The following CAMKMT variants were observed in gnomAD, a reference collection of about 807,000 sequenced individuals.
The protein encoded by CAMKMT is calmodulin-lysine N-methyltransferase.
CAMKMT carries 53 observed loss-of-function variants against 48.0 expected under a neutral mutation model. The observed-to-expected ratio is 1.10, with a 90% CI of 0.89 to 1.39. CAMKMT has a LOEUF of 1.39. Ranked by LOEUF, CAMKMT falls within the 40% of genes most tolerant of loss-of-function variation. The pLI, the probability that CAMKMT is intolerant of heterozygous loss-of-function variation, is 0.00. For synonymous variants in CAMKMT, 165 were observed against 152.3 expected, an observed-to-expected ratio of 1.08 and a Z score of -0.61; for missense variants, 428 against 402.7, an observed-to-expected ratio of 1.06 and a Z score of -0.54.
rs529641144 is a variant in CAMKMT at position 44,694,143 on chromosome 2, G to A, written c.377-10140G>A. On this transcript the variant is annotated intron_variant, in intron 3 of 10. Transcript: ENST00000378494. ...CAGGACGAACTATGAGAAGTGAAAA[G>A]CTCGCAAATGGAACTGATCTAGAAG... Among the ~76,000 whole-genome samples, 14 of 152,338 alleles carry A rather than the reference G, an allele frequency of 9.2e-5. No individual in the cohort carries two copies. In the South Asian group the frequency reaches 2.7e-3, roughly 29 times the overall value.
chr2:44,759,230 C>G (rs879720796), intron 9 of CAMKMT, among the ~76,000 whole-genome samples: 3 of 152,158 alleles, frequency 2.0e-5, no homozygotes, highest in Non-Finnish European at 2.9e-5. Flanking sequence ...CTCAGGTGAT[C>G]CTCCTGCCTC....
chr2:44,544,824 T>G (rs1348594685), intron 3 of CAMKMT, among the ~76,000 whole-genome samples: 1 of 152,192 alleles, frequency 6.6e-6, no homozygotes, highest in Non-Finnish European at 1.5e-5. Context: ...AATTTAGACT[T>G]TAAGACTAAA....
chr2:44,526,377 A>G (rs1671404197), intron 3 of CAMKMT, among the ~76,000 whole-genome samples: 1 of 152,214 alleles, frequency 6.6e-6, no homozygotes, highest in South Asian at 2.1e-4. Context: ...GTATATATAG[A>G]TGGATATACA....
intron 3 of CAMKMT, among the ~76,000 whole-genome samples, chr2:44,677,715 A>G (rs1675792318): frequency 6.6e-6 from 1 of 152,176 alleles, no homozygotes; most frequent in African/African-American, 2.4e-5. Context: ...TCTAAAAAAA[A>G]AAAAAGCGTA....
intron 2 of CAMKMT, among the ~76,000 whole-genome samples, chr2:44,376,996 C>T (rs1679762571): frequency 1.3e-5 from 2 of 151,934 alleles, no homozygotes; most frequent in Non-Finnish European, 2.9e-5. Flanking sequence ...CTATTCTTGC[C>T]TTTCTGGTAC....
chr2:44,493,527 A>G (rs1471732009), intron 3 of CAMKMT, among the ~76,000 whole-genome samples: 3 of 152,210 alleles, frequency 2.0e-5, no homozygotes, highest in Admixed American at 1.3e-4. Context: ...TTAAAAAATT[A>G]TTTGATAATA....
chr2:44,391,991 C>G (rs1456630195), intron 3 of CAMKMT: 4 of 152,498 alleles, frequency 2.6e-5, no homozygotes, highest in Non-Finnish European at 5.9e-5. Flanking sequence ...GTTTTCATCT[C>G]TTAGGGCTGG....
chr2:44,422,211 T>G (rs1299561959), intron 3 of CAMKMT, among the ~76,000 whole-genome samples: 1 of 152,186 alleles, frequency 6.6e-6, no homozygotes, highest in Non-Finnish European at 1.5e-5. Context: ...CACTGTCTCA[T>G]GAGTAAAAGC....
At chr2:44,527,430 A>T (rs202097921) in intron 3 of CAMKMT, among the ~76,000 whole-genome samples, 2,048 of 107,810 alleles carry the variant, frequency 0.019, 33 homozygotes, top group Middle Eastern at 0.067. Context: ...ATATATATAT[A>T]TTTTTTTTTT....
chr2:44,511,508 C>G (rs1270758905), intron 3 of CAMKMT, among the ~76,000 whole-genome samples: 5 of 151,634 alleles, frequency 3.3e-5, no homozygotes, highest in African/African-American at 9.7e-5. Flanking sequence ...AGGCTGGTCT[C>G]AAACTCCTGA....
chr2:44,384,617 G>T (rs1327267117), intron 2 of CAMKMT, among the ~76,000 whole-genome samples: 1 of 150,110 alleles, frequency 6.7e-6, no homozygotes, highest in East Asian at 2.0e-4. Flanking sequence ...GATAGTTTCA[G>T]GTCTTAGATT....
chr2:44,511,043 A>G (rs2104768371), intron 3 of CAMKMT, among the ~76,000 whole-genome samples: 1 of 151,824 alleles, frequency 6.6e-6, no homozygotes, highest in South Asian at 2.1e-4. Flanking sequence ...GTTTCACCAT[A>G]TTGGCCAGGT....
Position 44,707,397 on chromosome 2 carries a change from A to C in CAMKMT, c.493-2A>C. 1 of 1,606,358 alleles carries C rather than the reference A, an allele frequency of 6.2e-7. No homozygotes were observed. Among genetic ancestry groups the C allele is most frequent in the Non-Finnish European group, 8.5e-7 (1 of 1,177,162 alleles). ...TTTGCTGTGCTCCCTTTTTTTTTTC[A>C]GGTTGCTATTTCTGCAGATGTCAAA... On this transcript the variant is annotated splice_acceptor_variant, in intron 5 of 10. Transcript: ENST00000378494. LOFTEE classifies it high-confidence loss of function.
intron 3 of CAMKMT, among the ~76,000 whole-genome samples, chr2:44,545,230 G>A (rs1211606234): frequency 6.6e-6 from 1 of 152,212 alleles, no homozygotes; most frequent in Admixed American, 6.5e-5. Context: ...GATTGCTTCT[G>A]CAAACCACCA....
chr2:44,630,174 G>A (rs1170084716), intron 3 of CAMKMT, among the ~76,000 whole-genome samples: 36 of 151,840 alleles, frequency 2.4e-4, no homozygotes, highest in African/African-American at 8.4e-4. Context: ...AAATGGTGCT[G>A]GGAAAACTGG....
chr2:44,540,358 T>C (rs1667028861), intron 3 of CAMKMT, among the ~76,000 whole-genome samples: 1 of 152,126 alleles, frequency 6.6e-6, no homozygotes, highest in Non-Finnish European at 1.5e-5. Context: ...AATACAACAG[T>C]GTGTTCCAGG....
chr2:44,709,694 G>C (rs1169910738), intron 6 of CAMKMT, among the ~76,000 whole-genome samples: 1 of 151,956 alleles, frequency 6.6e-6, no homozygotes, highest in Non-Finnish European at 1.5e-5. Context: ...GATGCATATA[G>C]ATTGAAACAA....
At chr2:44,619,494 CAT>C (rs1198612766) in intron 3 of CAMKMT, among the ~76,000 whole-genome samples, 3 of 151,998 alleles carry the variant, frequency 2.0e-5, no homozygotes, top group East Asian at 1.9e-4. Flanking sequence ...TCTGCAAACA[CAT>C]ATGTGTGTGT....
chr2:44,651,418 A>G (rs1235254175), intron 3 of CAMKMT, among the ~76,000 whole-genome samples: 1 of 152,174 alleles, frequency 6.6e-6, no homozygotes, highest in Non-Finnish European at 1.5e-5. Flanking sequence ...ACGCCGTGGC[A>G]TATGCCTGTA....
Sources: gnomAD v4.1 joint callset for allele counts (sites outside exome capture counted in the v4.1 genomes callset) on GRCh38, gnomAD v4.1.1 for gene constraint, MANE v1.5 for transcripts, NCBI Gene and HGNC (gene_info 2026-07-23, HGNC 2026-07-21) for gene names.